SH3KBP1: variants seen among roughly 807,000 people sequenced by gnomAD.
SH3KBP1 encodes the protein SH3 domain-containing kinase-binding protein 1.
SH3KBP1 carries 8 observed loss-of-function variants against 50.1 expected under a neutral mutation model. That is an observed-to-expected ratio of 0.16 (90% CI 0.09 to 0.29). The LOEUF (loss-of-function observed/expected upper bound fraction) is 0.29. Among genes scored for constraint, SH3KBP1 ranks in the 10% least tolerant of loss-of-function variants. The probability of loss-of-function intolerance (pLI) is 1.00; values close to 1 mark genes in which losing one functional copy is unlikely to be tolerated. For synonymous variants in SH3KBP1, 227 were observed against 218.6 expected, an observed-to-expected ratio of 1.04 and a Z score of -0.34; for missense variants, 377 against 535.2, an observed-to-expected ratio of 0.70 and a Z score of 2.92.
At chrX:19,662,850 T>C (rs986242843) in intron 6 of SH3KBP1, among the ~76,000 whole-genome samples, 1 of 107,248 alleles carries the variant, frequency 9.3e-6, no homozygotes, top group Non-Finnish European at 1.9e-5. Context: ...GGGATTCAAG[T>C]TTGAGGTGGG....
intron 6 of SH3KBP1, among the ~76,000 whole-genome samples, chrX:19,657,306 G>C (rs2062305154): frequency 9.2e-6 from 1 of 108,471 alleles, no homozygotes; most frequent in African/African-American, 3.4e-5. Flanking sequence ...GCTTGAGCCA[G>C]GAAGTTGAGG....
chrX:19,687,107 A>C (rs2063183501), intron 5 of SH3KBP1, among the ~76,000 whole-genome samples: 1 of 113,072 alleles, frequency 8.8e-6, no homozygotes, highest in Admixed American at 9.3e-5. Flanking sequence ...AAAGTCTGCC[A>C]TGTGGTGATT....
intron 12 of SH3KBP1, among the ~76,000 whole-genome samples, chrX:19,581,881 CA>C (rs2066385665): frequency 9.3e-6 from 1 of 107,201 alleles, no homozygotes; most frequent in Admixed American, 1.0e-4. Context: ...AAAGCGATTC[CA>C]CTGCGTGCTG....
intron 2 of SH3KBP1, among the ~76,000 whole-genome samples, chrX:19,794,089 A>C (rs1436540665): frequency 9.0e-6 from 1 of 110,613 alleles, no homozygotes; most frequent in African/African-American, 3.3e-5. Context: ...AGAGGAAATA[A>C]GGTGGCTCTA....
intron 5 of SH3KBP1, among the ~76,000 whole-genome samples, chrX:19,691,984 C>A (rs1165180155): frequency 1.8e-5 from 2 of 111,391 alleles, no homozygotes; most frequent in Admixed American, 1.9e-4. Context: ...CACAGAGGTT[C>A]ATTATACTAT....
At chrX:19,799,804 A>C in intron 2 of SH3KBP1, 1 of 1,130,291 alleles carries the variant, frequency 8.8e-7, no homozygotes, top group Non-Finnish European at 1.2e-6. Flanking sequence ...TATTCTAAGC[A>C]TCCTGTCCCG....
chrX:19,848,093 T>C (rs1427011694), intron 1 of SH3KBP1, among the ~76,000 whole-genome samples: 1 of 111,799 alleles, frequency 8.9e-6, no homozygotes, highest in African/African-American at 3.3e-5. Context: ...ACCAAAAGAC[T>C]CCTAAGAATA....
intron 4 of SH3KBP1, among the ~76,000 whole-genome samples, chrX:19,697,031 G>A (rs755795764): frequency 9.1e-4 from 102 of 111,668 alleles, no homozygotes; most frequent in Non-Finnish European, 1.8e-3. Flanking sequence ...TGATCATGAG[G>A]GTAAACAACC....
chrX:19,633,005 G>C (rs1167135814), intron 7 of SH3KBP1, among the ~76,000 whole-genome samples: 1 of 112,112 alleles, frequency 8.9e-6, no homozygotes, highest in African/African-American at 3.2e-5. Flanking sequence ...GTAACCTCTT[G>C]ATGACAATTA....
At chrX:19,867,247 C>G (rs1484729718) in intron 1 of SH3KBP1, among the ~76,000 whole-genome samples, 1 of 110,883 alleles carries the variant, frequency 9.0e-6, no homozygotes, top group African/African-American at 3.3e-5. Flanking sequence ...CTTCCTGAAC[C>G]AGCATGTGCC....
intron 2 of SH3KBP1, among the ~76,000 whole-genome samples, chrX:19,833,967 C>T (rs751880078): frequency 3.6e-5 from 4 of 111,308 alleles, no homozygotes; most frequent in South Asian, 3.8e-4. Context: ...AAAATGGGAG[C>T]GAGCGGCTGG....
At chrX:19,556,197 C>T (rs1370005415) in intron 13 of SH3KBP1, among the ~76,000 whole-genome samples, 1 of 111,596 alleles carries the variant, frequency 9.0e-6, no homozygotes, top group African/African-American at 3.3e-5. Flanking sequence ...TCAAATCATG[C>T]AGATAGAATT....
chrX:19,821,386 G>A (rs7060850), intron 2 of SH3KBP1, among the ~76,000 whole-genome samples: 16,258 of 110,632 alleles, frequency 0.15, 1,050 homozygotes, highest in African/African-American at 0.23. Flanking sequence ...GCAAGATTCC[G>A]TCTCAACAAC....
intron 1 of SH3KBP1, among the ~76,000 whole-genome samples, chrX:19,845,154 A>C (rs2068332060): frequency 2.7e-5 from 3 of 110,011 alleles, no homozygotes; most frequent in African/African-American, 9.9e-5. Context: ...TGAAAAAGAA[A>C]GAATGGAGAA....
At chrX:19,819,808 T>C (rs1247753302) in intron 2 of SH3KBP1, among the ~76,000 whole-genome samples, 1 of 111,834 alleles carries the variant, frequency 8.9e-6, no homozygotes, top group Non-Finnish European at 1.9e-5. Flanking sequence ...CCTTAGATTA[T>C]TGATCTGAGA....
chrX:19,667,634 ACAAAG>A (rs1347477237), intron 6 of SH3KBP1, among the ~76,000 whole-genome samples: 1 of 111,013 alleles, frequency 9.0e-6, no homozygotes, highest in Admixed American at 9.6e-5. Context: ...GTCTCAAAAA[ACAAAG>A]CAAAGCATAA....
At chrX:19,706,822 T>C in intron 4 of SH3KBP1, 59 bp downstream of exon 4, 1 of 928,294 alleles carries the variant, frequency 1.1e-6, no homozygotes, top group Non-Finnish European at 1.6e-6. Context: ...CATGGGTGGG[T>C]AAGCAGTGAC....
At chrX:19,585,309 C>A (rs2066529424) in intron 12 of SH3KBP1, among the ~76,000 whole-genome samples, 1 of 111,730 alleles carries the variant, frequency 9.0e-6, no homozygotes, top group African/African-American at 3.3e-5. Context: ...ACCTCCCCCT[C>A]TTTTAAGGAA....
intron 3 of SH3KBP1, among the ~76,000 whole-genome samples, chrX:19,710,657 A>G (rs1441466809): frequency 9.0e-6 from 1 of 111,597 alleles, no homozygotes; most frequent in African/African-American, 3.3e-5. Context: ...TTATAAATTA[A>G]TCTTTCTCAT....
Sources: gnomAD v4.1 joint callset for allele counts (sites outside exome capture counted in the v4.1 genomes callset) on GRCh38, gnomAD v4.1.1 for gene constraint, MANE v1.5 for transcripts, NCBI Gene and HGNC (gene_info 2026-07-23, HGNC 2026-07-21) for gene names.